Variants in ALMS1 observed in about 807,000 individuals in gnomAD.
ALMS1 encodes the protein centrosome-associated protein ALMS1.
A neutral mutation model predicts 352.2 loss-of-function variants in ALMS1; 271 were observed. The observed-to-expected ratio is 0.77, with a 90% CI of 0.70 to 0.85. The LOEUF is 0.85. Ranked by LOEUF, ALMS1 falls within the 40% of genes least tolerant of loss-of-function variation. The probability of loss-of-function intolerance (pLI) is 0.00; values close to 1 mark genes in which losing one functional copy is unlikely to be tolerated. For synonymous variants in ALMS1, 1,865 were observed against 1,761.2 expected (o/e 1.06, Z -1.48); for missense variants, 5,445 against 4,870.7 (o/e 1.12, Z -3.51).
intron 10 of ALMS1, among the ~76,000 whole-genome samples, chr2:73,494,357 A>T (rs1431876911): frequency 6.7e-6 from 1 of 149,744 alleles, no homozygotes; most frequent in East Asian, 1.9e-4. Context: ...TGTAACCTTT[A>T]CTGAAGCTTC....
chr2:73,464,569 C>A (rs1189931613), intron 9 of ALMS1, among the ~76,000 whole-genome samples: 1 of 152,170 alleles, frequency 6.6e-6, no homozygotes, highest in African/African-American at 2.4e-5. Flanking sequence ...CACTCCTATT[C>A]AACATAGTGT....
intron 12 of ALMS1, among the ~76,000 whole-genome samples, chr2:73,539,561 A>G (rs1573004552): frequency 6.6e-6 from 1 of 152,230 alleles, no homozygotes; most frequent in African/African-American, 2.4e-5. Flanking sequence ...AAGGCTTCAG[A>G]TGATCAAACT....
At chr2:73,444,375 A>G (rs1183325424) in intron 7 of ALMS1, among the ~76,000 whole-genome samples, 1 of 152,148 alleles carries the variant, frequency 6.6e-6, no homozygotes, top group African/African-American at 2.4e-5. Flanking sequence ...AGTGTTTGGG[A>G]TTTGATGTTT....
intron 16 of ALMS1, among the ~76,000 whole-genome samples, chr2:73,596,070 G>A (rs1481990804): frequency 6.6e-6 from 1 of 152,224 alleles, no homozygotes. Flanking sequence ...CTCCCAGGCT[G>A]TGGCTTTTGA....
chr2:73,474,010 G>T (rs1023148165), intron 9 of ALMS1, among the ~76,000 whole-genome samples: 4 of 151,954 alleles, frequency 2.6e-5, no homozygotes, highest in African/African-American at 9.7e-5. Flanking sequence ...GTTGAAAAAT[G>T]AATTTCAAAT....
At chr2:73,400,859 T>C (rs1322741272) in intron 1 of ALMS1, among the ~76,000 whole-genome samples, 1 of 152,144 alleles carries the variant, frequency 6.6e-6, no homozygotes, top group East Asian at 1.9e-4. Context: ...GCAGTCTCCC[T>C]CACTGCAACC....
chr2:73,386,277 A>G (rs989576553), intron 1 of ALMS1, 85 bp downstream of exon 1: 27 of 1,411,480 alleles, frequency 1.9e-5, no homozygotes, highest in Non-Finnish European at 2.4e-5. Context: ...CCCGCAGGTC[A>G]CGCCGCCTGA....
chr2:73,590,677 C>CTTTTTTTTTTTTTTTT (rs35264211), intron 16 of ALMS1, among the ~76,000 whole-genome samples: 1 of 108,444 alleles, frequency 9.2e-6, no homozygotes, highest in Non-Finnish European at 1.9e-5. Flanking sequence ...TGTTTTATTA[C>CTTTTTTTTTTTTTTTT]TTTTTTTTTT....
chr2:73,516,095 C>A (rs189547662), intron 10 of ALMS1, among the ~76,000 whole-genome samples: 1 of 151,952 alleles, frequency 6.6e-6, no homozygotes. Flanking sequence ...TTAAGCAGTT[C>A]AACAAGCAAA....
intron 12 of ALMS1, among the ~76,000 whole-genome samples, chr2:73,538,560 C>G (rs559118559): frequency 6.6e-6 from 1 of 152,172 alleles, no homozygotes; most frequent in Non-Finnish European, 1.5e-5. Context: ...TGCAGCACAC[C>G]GAGCGTGAGC....
chr2:73,423,761 C>T (rs755420243), intron 4 of ALMS1, among the ~76,000 whole-genome samples: 8 of 151,864 alleles, frequency 5.3e-5, no homozygotes, highest in Non-Finnish European at 7.4e-5. Flanking sequence ...GTTTCTTTCT[C>T]TTTCTCTTTT....
At chr2:73,519,079 A>T (rs535478276) in intron 10 of ALMS1, among the ~76,000 whole-genome samples, 1 of 152,306 alleles carries the variant, frequency 6.6e-6, no homozygotes, top group African/African-American at 2.4e-5. Flanking sequence ...TCACTTGGAT[A>T]AGGCAGTGCT....
Position 73,490,491 on chromosome 2 carries a change from TA to T in ALMS1, c.8533del (p.Ile2845LeufsTer10). On this transcript the variant is annotated frameshift_variant, in exon 10 of 23. Coordinates refer to ENST00000613296, the MANE Select transcript of ALMS1 (RefSeq NM_001378454.1). LOFTEE classifies it high-confidence loss of function. ...EIQISDNHTL[I>X]SMGRPSSTLG... is the part of the protein sequence containing the mutation. ...TTCAGATTTCTGATAACCATACCCT[TA>T]TTAGCATGGGCAGACCAAGTTCCAC... The T allele has an allele frequency of 6.2e-7, 1 of 1,614,152 alleles. No individual in the cohort carries two copies. Among genetic ancestry groups the T allele is most frequent in the Non-Finnish European group, 8.5e-7 (1 of 1,180,032 alleles).
At chr2:73,463,749 A>G (rs2103821027) in intron 9 of ALMS1, among the ~76,000 whole-genome samples, 1 of 140,924 alleles carries the variant, frequency 7.1e-6, no homozygotes, top group South Asian at 2.5e-4. Flanking sequence ...CACAATTAAA[A>G]ATGATAAAGG....
chr2:73,506,300 A>T lies in ALMS1; in HGVS notation c.9540-13475A>T, dbSNP rs148395947. Reference sequence around the variant, plus strand: ...TTTTTTGGTTCCATATGAACTTTAAAGTAGTTTTTTCTAATTCTGTGAAGA... The same window carrying T: ...TTTTTTGGTTCCATATGAACTTTAATGTAGTTTTTTCTAATTCTGTGAAGA... On this transcript the variant is annotated intron_variant, in intron 10 of 22. Coordinates refer to ENST00000613296, the MANE Select transcript of ALMS1 (RefSeq NM_001378454.1). Among the ~76,000 whole-genome samples, 1,095 of 152,304 alleles carry T rather than the reference A, an allele frequency of 7.2e-3. 25 individuals are homozygous for T. The East Asian group carries it at 0.11, about 15-fold the overall frequency.
chr2:73,521,621 G>A (rs1673679484), intron 11 of ALMS1, among the ~76,000 whole-genome samples: 1 of 150,596 alleles, frequency 6.6e-6, no homozygotes, highest in African/African-American at 2.4e-5. Flanking sequence ...ACTGTGGCGG[G>A]TGCCTGTAGT....
At chr2:73,457,728 T>C (rs1672096636) in intron 9 of ALMS1, among the ~76,000 whole-genome samples, 1 of 152,114 alleles carries the variant, frequency 6.6e-6, no homozygotes, top group Non-Finnish European at 1.5e-5. Context: ...CTAAGGGCTA[T>C]GGATAAAAAG....
Position 73,550,292 on chromosome 2 carries a change from C to T in ALMS1, c.9933C>T (p.Asp3311=). The T allele has an allele frequency of 6.2e-7, 1 of 1,614,142 alleles. No individual in the cohort carries two copies. ...HSGSNDAIAP[D]FPAQVLGTRD... is the part of the protein sequence containing the mutation. ...GATCCAATGATGCCATTGCTCCAGA[C>T]TTCCCAGCTCAGGTGCTAGGCACAA... The change falls in exon 13 of 23, where the codon GAC becomes GAT. Residue 3311 remains aspartate, a synonymous_variant. Transcript: ENST00000613296.
At position 73,558,870 on chromosome 2, in the gene ALMS1, T is replaced by C. The variant is rs191843044; in HGVS notation, c.10214-102T>C. 8.0e-5 allele frequency: 101 copies of C among 1,267,502 alleles called. No individual in the cohort carries two copies. The African/African-American group carries it at 1.4e-3, about 18-fold the overall frequency. 78.5% of individuals were successfully genotyped at this position (1,267,502 alleles called of 1,614,324 possible). ...TTTCTGAGTCATCTTTTTTCTTCAA[T>C]ATCAGTAACAAAGCCTTTCACATAA... On this transcript the variant is annotated intron_variant, in intron 14 of 22. Coordinates refer to ENST00000613296, the MANE Select transcript of ALMS1 (RefSeq NM_001378454.1).
Sources: allele counts gnomAD v4.1 joint callset (sites outside exome capture counted in the v4.1 genomes callset), GRCh38; gene constraint gnomAD v4.1.1; transcripts MANE v1.5; gene names NCBI Gene and HGNC (gene_info 2026-07-23, HGNC 2026-07-21).